Variants in KCNJ6 observed in about 807,000 individuals in gnomAD.
The protein encoded by KCNJ6 is potassium inwardly rectifying channel subfamily J member 6.
In KCNJ6, 9 loss-of-function variants were observed where a neutral mutation model predicts 34.2. That is an observed-to-expected ratio of 0.26 (90% CI 0.16 to 0.46). KCNJ6 has a LOEUF of 0.46. Ranked by LOEUF, KCNJ6 falls within the 20% of genes least tolerant of loss-of-function variation. The pLI is 1.00. For missense variants in KCNJ6, 236 were observed against 531.3 expected (o/e 0.44, Z 5.46); for synonymous variants, 196 against 207.1 (o/e 0.95, Z 0.46).
intron 1 of KCNJ6, among the ~76,000 whole-genome samples, chr21:37,854,105 C>T (rs1360452637): frequency 6.6e-6 from 1 of 150,384 alleles, no homozygotes; most frequent in Non-Finnish European, 1.5e-5. Flanking sequence ...TTATATTAAA[C>T]ATAAATGGTC....
chr21:37,771,348 TAAG>T (rs1355794040), intron 2 of KCNJ6, among the ~76,000 whole-genome samples: 1 of 152,194 alleles, frequency 6.6e-6, no homozygotes, highest in Non-Finnish European at 1.5e-5. Context: ...TTCTCTGAGA[TAAG>T]AAGAGATTCT....
intron 1 of KCNJ6, among the ~76,000 whole-genome samples, chr21:37,846,723 C>A (rs2055510455): frequency 6.6e-6 from 1 of 152,080 alleles, no homozygotes; most frequent in African/African-American, 2.4e-5. Flanking sequence ...AAAATACAAC[C>A]ATTTAAAGAA....
At position 37,675,640 on chromosome 21, in the gene KCNJ6, G is replaced by A. The variant is rs1052763414; in HGVS notation, c.946+38571C>T. ...CAGGAGAGGCCGTGTGGCCATAAAA[G>A]GGCTGACCTCCTGATTCGGACTCCG... On this transcript the variant is annotated intron_variant, in intron 3 of 3. Coordinates refer to ENST00000609713, the MANE Select transcript of KCNJ6 (RefSeq NM_002240.5). This position sits in a 1 kb window ranked among gnomAD's most constrained non-coding sequence, Gnocchi z 4.2. 2.0e-5 allele frequency among the ~76,000 whole-genome samples: 3 copies of A among 152,238 alleles called. No individual in the cohort carries two copies. Among genetic ancestry groups the A allele is most frequent in the Admixed American group, 6.5e-5 (1 of 15,292 alleles).
intron 2 of KCNJ6, among the ~76,000 whole-genome samples, chr21:37,788,751 C>A (rs577523575): frequency 2.0e-5 from 3 of 152,302 alleles, no homozygotes; most frequent in African/African-American, 7.2e-5. Flanking sequence ...CCATCCCAGC[C>A]AGCCGCAGCT....
At position 37,834,325 on chromosome 21, in the gene KCNJ6, G is replaced by T. The variant is rs545094575; in HGVS notation, c.25+6333C>A. Reference sequence around the variant, plus strand: ...CGCCACCTCTGTCTTCCTGCATGACGTTCTAGCACTTACAGTCCCATTGGC... The same window carrying T: ...CGCCACCTCTGTCTTCCTGCATGACTTTCTAGCACTTACAGTCCCATTGGC... On this transcript the variant is annotated intron_variant, in intron 2 of 3. Transcript: ENST00000609713. Among the ~76,000 whole-genome samples, 5 of 152,264 alleles carry T rather than the reference G, an allele frequency of 3.3e-5. No homozygotes were observed. In the South Asian group the frequency reaches 1.0e-3, roughly 32 times the overall value.
chr21:37,655,218 TGTGTGTGAGAGAGAGAGAGAGA>T (rs879518885), intron 3 of KCNJ6, among the ~76,000 whole-genome samples: 713 of 13,886 alleles, frequency 0.051, 19 homozygotes, highest in Admixed American at 0.12. Context: ...TGTGTGTGTG[TGTGTGTGAGAGAGAGAGAGAGA>T]GAGAGAGAGA....
At chr21:37,766,674 T>G (rs1033696154) in intron 2 of KCNJ6, among the ~76,000 whole-genome samples, 7 of 152,090 alleles carry the variant, frequency 4.6e-5, no homozygotes, top group Non-Finnish European at 8.8e-5. Context: ...GCTTTGCAGT[T>G]GCACCAAAGG....
chr21:37,752,549 G>A (rs2055001618), intron 2 of KCNJ6, among the ~76,000 whole-genome samples: 2 of 152,100 alleles, frequency 1.3e-5, no homozygotes, highest in Admixed American at 1.3e-4. Context: ...GAGAAACAAT[G>A]CAGGCAGAAA....
chr21:37,756,638 A>T (rs75734049), intron 2 of KCNJ6, among the ~76,000 whole-genome samples: 95 of 140,194 alleles, frequency 6.8e-4, no homozygotes, highest in South Asian at 1.1e-3. Context: ...CAGAGTGAGC[A>T]CTCCCTCACA....
intron 2 of KCNJ6, among the ~76,000 whole-genome samples, chr21:37,825,655 C>T (rs1601489578): frequency 6.6e-6 from 1 of 152,074 alleles, no homozygotes; most frequent in African/African-American, 2.4e-5. Context: ...CCACTGTATT[C>T]GTCCGTTTCC....
In KCNJ6 at chr21:37,731,951, T is replaced by C. The variant is rs151280508; in HGVS notation, c.26-16820A>G. Among the ~76,000 whole-genome samples the C allele has an allele frequency of 4.3e-3, 648 of 152,170 alleles. 4 individuals carry two copies. The highest frequency in any genetic ancestry group is 0.015 in the African/African-American group (626 of 41,524). Reference sequence around the variant, plus strand: ...GAAGGAAACTCCCAGAGACTCTGAATAGGGTGGTCAGGATGGAAGTTCGAC... The same window carrying C: ...GAAGGAAACTCCCAGAGACTCTGAACAGGGTGGTCAGGATGGAAGTTCGAC... On this transcript the variant is annotated intron_variant, in intron 2 of 3. Transcript: ENST00000609713.
intron 2 of KCNJ6, among the ~76,000 whole-genome samples, chr21:37,758,645 AT>A (rs61156792): frequency 1.8e-4 from 27 of 150,462 alleles, no homozygotes; most frequent in African/African-American, 4.4e-4. Flanking sequence ...AGCAATAGAG[AT>A]TTTTTTTTTG....
intron 2 of KCNJ6, among the ~76,000 whole-genome samples, chr21:37,765,173 T>G (rs1295365378): frequency 2.0e-5 from 3 of 152,260 alleles, no homozygotes; most frequent in African/African-American, 7.2e-5. Context: ...TTGGGGTTGT[T>G]TCCGTCTGTT....
In KCNJ6 at chr21:37,609,202, T is replaced by G. The variant is rs928186945; in HGVS notation, c.*15957A>C. ...GGATATTGGAGTTGGCACACTGACA[T>G]GCACCCTAATGACCCTCAGCTTGGG... On this transcript the variant is annotated 3_prime_UTR_variant, in exon 4 of 4. Coordinates refer to ENST00000609713, the MANE Select transcript of KCNJ6 (RefSeq NM_002240.5). 1.3e-5 allele frequency: 2 copies of G among 152,176 alleles called. No homozygotes were observed. The highest frequency in any genetic ancestry group is 2.9e-5 in the Non-Finnish European group (2 of 68,036). The allele number at this position is 152,176 out of a possible 1,614,324, so 9.4% of individuals were successfully genotyped here.
intron 2 of KCNJ6, among the ~76,000 whole-genome samples, chr21:37,763,708 C>T (rs2055077369): frequency 6.6e-6 from 1 of 152,166 alleles, no homozygotes; most frequent in Non-Finnish European, 1.5e-5. Flanking sequence ...TGATGTTCCC[C>T]ACCCTGTGTG....
chr21:37,715,197 G>T (rs2054783957), intron 2 of KCNJ6, 66 bp from the exon 3 acceptor site: 7 of 1,363,246 alleles, frequency 5.1e-6, no homozygotes, highest in Admixed American at 2.3e-5. Flanking sequence ...ACAATGGAAC[G>T]GCACACTTTG....
chr21:37,858,392 C>CAAAAAAAAAAAAAA (rs60814205), intron 1 of KCNJ6, among the ~76,000 whole-genome samples: 1 of 54,522 alleles, frequency 1.8e-5, no homozygotes, highest in African/African-American at 7.5e-5. Flanking sequence ...GACTCCGTCT[C>CAAAAAAAAAAAAAA]AAAAAAAAAA....
In KCNJ6 at chr21:37,696,853, C is replaced by A. The variant is rs149618066; in HGVS notation, c.946+17358G>T. Among the ~76,000 whole-genome samples the A allele has an allele frequency of 5.5e-3, 836 of 152,268 alleles. 9 individuals are homozygous for A. The highest frequency in any genetic ancestry group is 0.019 in the African/African-American group (788 of 41,518). ...CATACATCTACATGTGTGTCTATATCTAGAGAGAATGATAGATGTGGTAAA... is the reference window on the plus strand; with the variant it reads ...CATACATCTACATGTGTGTCTATATATAGAGAGAATGATAGATGTGGTAAA... On this transcript the variant is annotated intron_variant, in intron 3 of 3. Transcript: ENST00000609713.
At chr21:37,890,522 G>A (rs568146002) in intron 1 of KCNJ6, among the ~76,000 whole-genome samples, 22 of 152,252 alleles carry the variant, frequency 1.4e-4, no homozygotes, top group Admixed American at 3.3e-4. Context: ...TTCTGCTTTC[G>A]TGGCCTCCTG....
Sources: allele counts gnomAD v4.1 joint callset (sites outside exome capture counted in the v4.1 genomes callset), GRCh38; gene constraint gnomAD v4.1.1; non-coding constraint Gnocchi (gnomAD v3.1); transcripts MANE v1.5; gene names NCBI Gene and HGNC (gene_info 2026-07-23, HGNC 2026-07-21).